Variants in ST6GALNAC3 observed in about 807,000 individuals in gnomAD.
ST6GALNAC3 encodes the protein alpha-N-acetylgalactosaminide alpha-2,6-sialyltransferase 3.
In ST6GALNAC3, 25 loss-of-function variants were observed where a neutral mutation model predicts 32.7. The ratio of observed to expected loss-of-function variants is 0.76; its 90% confidence interval spans 0.56 to 1.07. The LOEUF (loss-of-function observed/expected upper bound fraction) is 1.07. Ranked by LOEUF, ST6GALNAC3 falls within the 50% of genes least tolerant of loss-of-function variation. ST6GALNAC3 has a pLI of 0.00. For missense variants in ST6GALNAC3, 355 were observed against 382.4 expected, an observed-to-expected ratio of 0.93 and a Z score of 0.60; for synonymous variants, 129 against 133.1, an observed-to-expected ratio of 0.97 and a Z score of 0.21.
At chr1:76,496,416 A>G (rs148922510) in intron 3 of ST6GALNAC3, among the ~76,000 whole-genome samples, 182 of 152,322 alleles carry the variant, frequency 1.2e-3, no homozygotes, top group African/African-American at 4.2e-3. Flanking sequence ...GATGGATTCA[A>G]TGTCATTTTA....
chr1:76,100,429 C>G (rs553200501), intron 1 of ST6GALNAC3, among the ~76,000 whole-genome samples: 1 of 152,204 alleles, frequency 6.6e-6, no homozygotes, highest in East Asian at 1.9e-4. Context: ...CAAAGCTAAT[C>G]TTGCATCTAT....
At chr1:76,557,988 T>C (rs1665027322) in intron 3 of ST6GALNAC3, among the ~76,000 whole-genome samples, 1 of 152,016 alleles carries the variant, frequency 6.6e-6, no homozygotes, top group African/African-American at 2.4e-5. Flanking sequence ...CTATGGTGGT[T>C]CCCAAATGAC....
intron 1 of ST6GALNAC3, among the ~76,000 whole-genome samples, chr1:76,300,479 G>A (rs1660664366): frequency 6.6e-6 from 1 of 151,964 alleles, no homozygotes. Context: ...GTACAGATGA[G>A]GAAACTGAGG....
chr1:76,346,232 G>A (rs1003634617), intron 2 of ST6GALNAC3, among the ~76,000 whole-genome samples: 5 of 152,106 alleles, frequency 3.3e-5, no homozygotes, highest in South Asian at 2.1e-4. Context: ...TTTTCCTTCC[G>A]TAGTAGAGGG....
intron 2 of ST6GALNAC3, among the ~76,000 whole-genome samples, chr1:76,331,107 T>G (rs1404803463): frequency 6.6e-6 from 1 of 152,194 alleles, no homozygotes; most frequent in South Asian, 2.1e-4. Context: ...GTAAGACTAC[T>G]GCCATTTCTT....
At chr1:76,254,712 G>T (rs1047938374) in intron 1 of ST6GALNAC3, among the ~76,000 whole-genome samples, 2 of 151,864 alleles carry the variant, frequency 1.3e-5, no homozygotes, top group Non-Finnish European at 2.9e-5. Context: ...CATTAAGCTG[G>T]TTTTTTTTCC....
At chr1:76,514,485 C>G (rs1406318813) in intron 3 of ST6GALNAC3, among the ~76,000 whole-genome samples, 1 of 152,118 alleles carries the variant, frequency 6.6e-6, no homozygotes, top group Non-Finnish European at 1.5e-5. Context: ...GGACAGATCT[C>G]TCATGAATGA....
chr1:76,599,717 CG>C (rs1557614058), intron 3 of ST6GALNAC3, among the ~76,000 whole-genome samples: 18,906 of 142,088 alleles, frequency 0.13, 1,770 homozygotes, highest in African/African-American at 0.27. Flanking sequence ...ACTACCGTAT[CG>C]TGTGTGTGTG....
chr1:76,358,205 A>G (rs1461488440), intron 2 of ST6GALNAC3, among the ~76,000 whole-genome samples: 2 of 152,116 alleles, frequency 1.3e-5, no homozygotes, highest in Non-Finnish European at 2.9e-5. Context: ...AGTTCTGATT[A>G]ATCGATGCTT....
intron 3 of ST6GALNAC3, among the ~76,000 whole-genome samples, chr1:76,570,985 A>G (rs1665827224): frequency 6.6e-6 from 1 of 152,116 alleles, no homozygotes; most frequent in South Asian, 2.1e-4. Flanking sequence ...CTAAAACCTC[A>G]AACTGTCCAA....
chr1:76,076,004 C>T (rs1646811341), intron 1 of ST6GALNAC3, among the ~76,000 whole-genome samples: 2 of 152,176 alleles, frequency 1.3e-5, no homozygotes, highest in Admixed American at 6.5e-5. Flanking sequence ...AGAGACTAAC[C>T]TCGTAGAAGT....
rs909125138 is a variant in ST6GALNAC3 at position 76,220,984 on chromosome 1, C to T, written c.19-92821C>T. 3.3e-5 allele frequency among the ~76,000 whole-genome samples: 5 copies of T among 152,234 alleles called. No homozygotes were observed. The South Asian group carries it at 6.2e-4, about 19-fold the overall frequency. On this transcript the variant is annotated intron_variant, in intron 1 of 4. Coordinates refer to ENST00000328299, the MANE Select transcript of ST6GALNAC3 (RefSeq NM_152996.4). ...GTCCTGCCCTGTTGAGACACAAGCCCGTTAAGCAGTTTATTTTCACCCCAT... is the reference window on the plus strand; with the variant it reads ...GTCCTGCCCTGTTGAGACACAAGCCTGTTAAGCAGTTTATTTTCACCCCAT...
At chr1:76,465,951 C>T (rs1048603999) in intron 3 of ST6GALNAC3, among the ~76,000 whole-genome samples, 18 of 151,958 alleles carry the variant, frequency 1.2e-4, no homozygotes, top group African/African-American at 3.9e-4. Flanking sequence ...ATAAAACAAC[C>T]AATTTTTCAT....
chr1:76,387,948 G>A (rs191072892), intron 2 of ST6GALNAC3, among the ~76,000 whole-genome samples: 1 of 152,090 alleles, frequency 6.6e-6, no homozygotes, highest in Non-Finnish European at 1.5e-5. Flanking sequence ...GCCTGCTTTG[G>A]GTTTCAAGGT....
chr1:76,115,873 T>G (rs1454730159), intron 1 of ST6GALNAC3, among the ~76,000 whole-genome samples: 1 of 152,226 alleles, frequency 6.6e-6, no homozygotes, highest in Non-Finnish European at 1.5e-5. Context: ...GGATTTGGCC[T>G]TGTTCACTTG....
intron 3 of ST6GALNAC3, among the ~76,000 whole-genome samples, chr1:76,500,232 C>A (rs1166731640): frequency 6.6e-6 from 1 of 152,156 alleles, no homozygotes; most frequent in East Asian, 1.9e-4. Flanking sequence ...GAATACTTCA[C>A]ATACATTTTT....
At chr1:76,595,689 GCACA>G (rs55816071) in intron 3 of ST6GALNAC3, among the ~76,000 whole-genome samples, 3 of 150,966 alleles carry the variant, frequency 2.0e-5, no homozygotes, top group Non-Finnish European at 4.4e-5. Context: ...TCATACACAC[GCACA>G]CACACACACA....
intron 3 of ST6GALNAC3, among the ~76,000 whole-genome samples, chr1:76,449,531 A>G (rs142971476): frequency 6.6e-6 from 1 of 152,348 alleles, no homozygotes; most frequent in Non-Finnish European, 1.5e-5. Context: ...CCTACCAGCA[A>G]TGAATGAGAG....
rs1227456453 is a variant in ST6GALNAC3 at position 76,629,714 on chromosome 1, A to G, written c.*908A>G. The G allele has an allele frequency of 5.1e-6, 5 of 984,582 alleles. No individual in the cohort carries two copies. Among genetic ancestry groups the G allele is most frequent in the South Asian group, 9.4e-5 (2 of 21,280 alleles). The allele number at this position is 984,582 out of a possible 1,614,324, so 61.0% of individuals were successfully genotyped here. ...CTTCAACATCCAACAACACAAAACT[A>G]TATGATTTTTAAAATCATGAAATAG... On this transcript the variant is annotated 3_prime_UTR_variant, in exon 5 of 5. Coordinates refer to ENST00000328299, the MANE Select transcript of ST6GALNAC3 (RefSeq NM_152996.4).
Sources: allele counts gnomAD v4.1 joint callset (sites outside exome capture counted in the v4.1 genomes callset), GRCh38; gene constraint gnomAD v4.1.1; transcripts MANE v1.5; gene names NCBI Gene and HGNC (gene_info 2026-07-23, HGNC 2026-07-21).